Variants in FYN observed in about 807,000 individuals in gnomAD.
FYN encodes tyrosine-protein kinase Fyn.
In FYN, 10 loss-of-function variants were observed where a neutral mutation model predicts 70.2. That is an observed-to-expected ratio of 0.14 (90% CI 0.09 to 0.24). The LOEUF (loss-of-function observed/expected upper bound fraction) is 0.24, where lower values mean the gene tolerates loss of function less well. FYN is among the 10% of genes least tolerant of loss of function. The pLI is 1.00. For synonymous variants in FYN, 236 were observed against 248.6 expected (o/e 0.95, Z 0.48); for missense variants, 319 against 673.1 (o/e 0.47, Z 5.82).
chr6:111,763,029 T>C (rs1562510653), intron 3 of FYN, among the ~76,000 whole-genome samples: 1 of 152,226 alleles, frequency 6.6e-6, no homozygotes, highest in Non-Finnish European at 1.5e-5. Flanking sequence ...TCAGGCCCCC[T>C]GACCCCACTT....
At position 111,694,738 on chromosome 6, in the gene FYN, T is replaced by G; in HGVS notation, c.1043-34A>C. ...AAAACATAAAATCATTTCAATTTACTTTGAAAGATAATTCCCAACAGAGAG... is the reference window on the plus strand; with the variant it reads ...AAAACATAAAATCATTTCAATTTACGTTGAAAGATAATTCCCAACAGAGAG... On this transcript the variant is annotated intron_variant, in intron 10 of 13. Coordinates refer to ENST00000354650, the MANE Select transcript of FYN (RefSeq NM_002037.5). This position sits in a 1 kb window ranked among gnomAD's most constrained non-coding sequence, Gnocchi z 5.0. 1 of 1,548,164 alleles carries G rather than the reference T, an allele frequency of 6.5e-7. No individual in the cohort carries two copies. The highest frequency in any genetic ancestry group is 8.9e-7 in the Non-Finnish European group (1 of 1,126,156).
rs1773536906 is a variant in FYN at position 111,846,642 on chromosome 6, A to C, written c.-122-13T>G. On this transcript the variant is annotated splice_polypyrimidine_tract_variant and intron_variant, in intron 1 of 13. Coordinates refer to ENST00000354650, the MANE Select transcript of FYN (RefSeq NM_002037.5). ...TTCTTCAAAAAAACTGTAGAAGAAGAAAAAAAAAAGTGAGACATCAAAAGA... is the reference window on the plus strand; with the variant it reads ...TTCTTCAAAAAAACTGTAGAAGAAGCAAAAAAAAAGTGAGACATCAAAAGA... 1 of 381,236 alleles carries C rather than the reference A, an allele frequency of 2.6e-6. No individual in the cohort carries two copies. The highest frequency in any genetic ancestry group is 4.6e-6 in the Non-Finnish European group (1 of 215,398). The allele number at this position is 381,236 out of a possible 1,614,324, so 23.6% of individuals were successfully genotyped here. A position where few individuals can be genotyped will look rare whatever the true frequency, so the allele number is the denominator to read the frequency against.
chr6:111,824,431 C>T lies in FYN; in HGVS notation c.-82+22158G>A, dbSNP rs555340111. Among the ~76,000 whole-genome samples the T allele has an allele frequency of 9.8e-5, 15 of 152,316 alleles. No homozygotes were observed. The South Asian group carries it at 1.5e-3, about 15-fold the overall frequency. ...CTCCCTGTATACTAGACTTAACTTT[C>T]TCCTGAAATTTAGGAGAAAGCCTTG... On this transcript the variant is annotated intron_variant, in intron 2 of 13. Transcript: ENST00000354650.
At chr6:111,771,745 T>G (rs1393463230) in intron 3 of FYN, among the ~76,000 whole-genome samples, 1 of 152,200 alleles carries the variant, frequency 6.6e-6, no homozygotes, top group African/African-American at 2.4e-5. Flanking sequence ...CATTGAAAAG[T>G]CGGAATGGTT....
intron 3 of FYN, among the ~76,000 whole-genome samples, chr6:111,738,264 C>T (rs1268822169): frequency 6.6e-6 from 1 of 152,208 alleles, no homozygotes; most frequent in Non-Finnish European, 1.5e-5. Context: ...ACCATGCCTA[C>T]CTGAAACAGG....
At chr6:111,836,080 G>A (rs1022538049) in intron 2 of FYN, among the ~76,000 whole-genome samples, 6 of 152,186 alleles carry the variant, frequency 3.9e-5, no homozygotes, top group African/African-American at 1.4e-4. Context: ...CAGAGAAACT[G>A]AAAGACAACT....
intron 3 of FYN, among the ~76,000 whole-genome samples, chr6:111,732,472 T>C (rs938320200): frequency 4.6e-5 from 7 of 152,136 alleles, no homozygotes; most frequent in African/African-American, 7.2e-5. Flanking sequence ...TCACTGAAAG[T>C]AAGCGAGCGG....
At chr6:111,683,451 A>G (rs1005519768) in intron 12 of FYN, among the ~76,000 whole-genome samples, 1 of 152,182 alleles carries the variant, frequency 6.6e-6, no homozygotes, top group Non-Finnish European at 1.5e-5. Context: ...GTCTCAGAGA[A>G]TATCCCCTCT....
At chr6:111,744,388 C>G (rs1802116007) in intron 3 of FYN, among the ~76,000 whole-genome samples, 1 of 152,230 alleles carries the variant, frequency 6.6e-6, no homozygotes, top group Admixed American at 6.5e-5. Flanking sequence ...TTGATTCTCA[C>G]AGATTTCACA....
intron 2 of FYN, among the ~76,000 whole-genome samples, chr6:111,811,865 C>A (rs910788814): frequency 1.3e-5 from 2 of 152,094 alleles, no homozygotes; most frequent in African/African-American, 4.8e-5. Context: ...TATTGTGGGC[C>A]AAGGACAAGC....
intron 3 of FYN, among the ~76,000 whole-genome samples, chr6:111,732,577 A>T (rs1801515413): frequency 1.3e-5 from 2 of 152,214 alleles, no homozygotes. Context: ...CTCCTCCATC[A>T]TAATAGCTTT....
rs1160599255 is a variant in FYN, at chr6:111,873,139, C to T, written c.-294G>A. On this transcript the variant is annotated 5_prime_UTR_variant, in exon 1 of 14. Coordinates refer to ENST00000354650, the MANE Select transcript of FYN (RefSeq NM_002037.5). ...CCCCGGCCCGGCGGCCGAATCCCTC[C>T]CTGGCGCGGGCGGCGGCCGCCGGGC... 5 of 145,522 alleles carry T rather than the reference C, an allele frequency of 3.4e-5. No individual in the cohort carries two copies. In the East Asian group the frequency reaches 1.0e-3, roughly 30 times the overall value. 9.0% of individuals were successfully genotyped at this position (145,522 alleles called of 1,614,324 possible).
intron 3 of FYN, among the ~76,000 whole-genome samples, chr6:111,720,853 C>T (rs1325325583): frequency 6.6e-6 from 1 of 152,036 alleles, no homozygotes; most frequent in Non-Finnish European, 1.5e-5. Context: ...TGTTGCCACC[C>T]CACCCTCCTC....
chr6:111,748,125 G>T (rs549049238), intron 3 of FYN, among the ~76,000 whole-genome samples: 1 of 152,222 alleles, frequency 6.6e-6, no homozygotes, highest in African/African-American at 2.4e-5. Flanking sequence ...AGGTCAAAGC[G>T]AGACATACCC....
intron 3 of FYN, among the ~76,000 whole-genome samples, chr6:111,722,346 T>A (rs1484127139): frequency 1.3e-5 from 2 of 152,188 alleles, no homozygotes; most frequent in Non-Finnish European, 2.9e-5. Context: ...GATATGATTT[T>A]AACAAGTTTC....
intron 3 of FYN, among the ~76,000 whole-genome samples, chr6:111,761,591 A>T (rs372770602): frequency 3.9e-5 from 6 of 152,230 alleles, no homozygotes; most frequent in African/African-American, 1.4e-4. Context: ...ATTTGTGGGG[A>T]CCCTGGAAGA....
intron 2 of FYN, among the ~76,000 whole-genome samples, chr6:111,796,744 C>T (rs1027356165): frequency 2.6e-5 from 4 of 152,212 alleles, no homozygotes; most frequent in Non-Finnish European, 4.4e-5. Flanking sequence ...GATGTAACCA[C>T]ACCATGCTGA....
chr6:111,704,793 T>C (rs1402500121), intron 6 of FYN, among the ~76,000 whole-genome samples: 3 of 151,928 alleles, frequency 2.0e-5, no homozygotes, highest in African/African-American at 7.3e-5. Flanking sequence ...CCAGGCATGG[T>C]GGCTCATGCC....
intron 1 of FYN, among the ~76,000 whole-genome samples, chr6:111,862,593 T>C (rs1773992796): frequency 6.6e-6 from 1 of 151,990 alleles, no homozygotes; most frequent in Non-Finnish European, 1.5e-5. Context: ...GTGCCTTAGG[T>C]GGACAGTCAA....
Sources: allele counts gnomAD v4.1 joint callset (sites outside exome capture counted in the v4.1 genomes callset), GRCh38; gene constraint gnomAD v4.1.1; non-coding constraint Gnocchi (gnomAD v3.1); transcripts MANE v1.5; gene names NCBI Gene and HGNC (gene_info 2026-07-23, HGNC 2026-07-21).